KLHL3: variants seen among roughly 807,000 people sequenced by gnomAD.
KLHL3 encodes kelch like family member 3.
Under a neutral mutation model 70.5 loss-of-function variants are expected in KLHL3, and 19 were observed. The observed-to-expected ratio is 0.27, with a 90% CI of 0.19 to 0.40. KLHL3 has a LOEUF of 0.40. Among genes scored for constraint, KLHL3 ranks in the 10% least tolerant of loss-of-function variants. The pLI, the probability that KLHL3 is intolerant of heterozygous loss-of-function variation, is 1.00. For missense variants in KLHL3, 512 were observed against 771.1 expected (o/e 0.66, Z 3.98); for synonymous variants, 258 against 290.3 (o/e 0.89, Z 1.13).
At chr5:137,711,484 G>A (rs1264666956) in intron 2 of KLHL3, among the ~76,000 whole-genome samples, 12 of 152,170 alleles carry the variant, frequency 7.9e-5, no homozygotes, top group African/African-American at 2.2e-4. Context: ...GCCCCAACAG[G>A]GAGAAGTGGA....
rs201162792 is a variant in KLHL3, at chr5:137,688,167, A to AAAAAT, written c.526+4113_526+4117dup. On this transcript the variant is annotated intron_variant, in intron 5 of 14. Coordinates refer to ENST00000309755, the MANE Select transcript of KLHL3 (RefSeq NM_017415.3). ...AAACACCCAAGAATGATCAATAAAA[A>AAAAAT]AAAATAAAATAAAATAAAATAAAAT... Among the ~76,000 whole-genome samples, 193 of 144,528 alleles carry AAAAAT rather than the reference A, an allele frequency of 1.3e-3. 78 individuals are homozygous for AAAAAT. Among genetic ancestry groups the AAAAAT allele is most frequent in the African/African-American group, 2.0e-3 (75 of 37,622 alleles). The allele number at this position is 144,528 out of a possible 152,430, so 94.8% of individuals were successfully genotyped here.
chr5:137,628,596 A>G (rs967161653), intron 12 of KLHL3, 159 bp from the exon 13 acceptor site: 5 of 634,142 alleles, frequency 7.9e-6, no homozygotes, highest in Non-Finnish European at 1.3e-5. Flanking sequence ...TAAAACAAAT[A>G]TAATGACACC....
chr5:137,642,449 T>C (rs1230335793), intron 8 of KLHL3, among the ~76,000 whole-genome samples: 2 of 152,260 alleles, frequency 1.3e-5, no homozygotes, highest in Non-Finnish European at 2.9e-5. Context: ...CTGTGTGTTC[T>C]GCATTGTGCT....
Position 137,735,519 on chromosome 5 carries a change from G to T in KLHL3, c.14+114C>A, listed in dbSNP as rs890091351. ...TGGCGCCCTTTAAGATCCATCAGTG[G>T]CCAGGTCTTCCAACTCTGCCTAGCC... On this transcript the variant is annotated intron_variant, in intron 1 of 14. Coordinates refer to ENST00000309755, the MANE Select transcript of KLHL3 (RefSeq NM_017415.3). The T allele has an allele frequency of 1.1e-5, 9 of 815,134 alleles. No homozygotes were observed. In the African/African-American group the frequency reaches 1.2e-4, roughly 11 times the overall value. 50.5% of individuals were successfully genotyped at this position (815,134 alleles called of 1,614,324 possible). A position where few individuals can be genotyped will look rare whatever the true frequency, so the allele number is the denominator to read the frequency against.
intron 5 of KLHL3, among the ~76,000 whole-genome samples, chr5:137,684,862 G>A (rs1217567472): frequency 2.0e-5 from 3 of 152,184 alleles, no homozygotes; most frequent in African/African-American, 2.4e-5. Flanking sequence ...TTCTAAATGC[G>A]GGACCTACCC....
At chr5:137,703,088 T>C (rs1359924187) in intron 3 of KLHL3, among the ~76,000 whole-genome samples, 2 of 152,148 alleles carry the variant, frequency 1.3e-5, no homozygotes, top group East Asian at 1.9e-4. Flanking sequence ...AGAATGAAAA[T>C]GGAATAGATT....
intron 8 of KLHL3, among the ~76,000 whole-genome samples, chr5:137,643,323 C>A (rs1446308968): frequency 4.0e-5 from 6 of 150,570 alleles, no homozygotes; most frequent in Admixed American, 2.0e-4. Flanking sequence ...CCACTGCACT[C>A]CAGTCTGGGC....
chr5:137,713,733 GAA>G (rs1752840855), intron 2 of KLHL3, among the ~76,000 whole-genome samples: 1 of 152,112 alleles, frequency 6.6e-6, no homozygotes. Flanking sequence ...TCAGGATAAT[GAA>G]AAGACAATCC....
chr5:137,692,561 G>T, intron 4 of KLHL3, 114 bp from the exon 5 acceptor site: 1 of 989,052 alleles, frequency 1.0e-6, no homozygotes, highest in Non-Finnish European at 1.5e-6. Context: ...TCCACTGCCC[G>T]CCAGTAAGTC....
chr5:137,662,234 ACACT>A (rs1164167809), intron 6 of KLHL3, among the ~76,000 whole-genome samples: 1 of 137,106 alleles, frequency 7.3e-6, no homozygotes, highest in Non-Finnish European at 1.5e-5. Context: ...GATCACACAC[ACACT>A]CTACACACAC....
intron 12 of KLHL3, among the ~76,000 whole-genome samples, chr5:137,633,461 C>T (rs754751437): frequency 2.6e-5 from 4 of 152,050 alleles, no homozygotes; most frequent in African/African-American, 9.7e-5. Flanking sequence ...AATCCCACTA[C>T]TGGGTATCTA....
chr5:137,726,221 G>A (rs1213503047), intron 1 of KLHL3, among the ~76,000 whole-genome samples: 2 of 152,068 alleles, frequency 1.3e-5, no homozygotes, highest in Non-Finnish European at 2.9e-5. Flanking sequence ...TATGTTGAGG[G>A]TCCACATAAA....
chr5:137,690,909 C>T (rs565341752), intron 5 of KLHL3, among the ~76,000 whole-genome samples: 26 of 152,252 alleles, frequency 1.7e-4, no homozygotes, highest in African/African-American at 6.3e-4. Context: ...TGTTTTATTG[C>T]AAGGGAAGAA....
At chr5:137,630,367 T>C (rs1750603500) in intron 12 of KLHL3, among the ~76,000 whole-genome samples, 1 of 152,124 alleles carries the variant, frequency 6.6e-6, no homozygotes, top group Non-Finnish European at 1.5e-5. Context: ...GCAATAACCA[T>C]TTCAGCAGCG....
intron 14 of KLHL3, 95 bp from the exon 15 acceptor site, chr5:137,622,221 G>A: frequency 2.1e-6 from 3 of 1,426,848 alleles, no homozygotes; most frequent in East Asian, 2.3e-5. Flanking sequence ...CTGAGTCACA[G>A]CCAAGGGAAA....
intron 4 of KLHL3, among the ~76,000 whole-genome samples, chr5:137,692,850 ACACAATGGTTCTCATACTGGG>A (rs1752356725): frequency 1.3e-5 from 2 of 151,672 alleles, no homozygotes; most frequent in African/African-American, 4.9e-5. Context: ...ACACACACAC[ACACAATGGTTCTCATACTGGG>A]CTGCACACTG....
intron 5 of KLHL3, among the ~76,000 whole-genome samples, chr5:137,682,431 GA>G (rs1752053690): frequency 2.0e-5 from 3 of 151,422 alleles, no homozygotes; most frequent in African/African-American, 7.3e-5. Context: ...GAGAGAGAGA[GA>G]GAGGCATAGA....
At chr5:137,711,964 G>C (rs1179943838) in intron 2 of KLHL3, among the ~76,000 whole-genome samples, 1 of 150,964 alleles carries the variant, frequency 6.6e-6, no homozygotes, top group African/African-American at 2.4e-5. Flanking sequence ...GACCAGCCTT[G>C]CCAACATGGT....
At chr5:137,645,221 A>G (rs934582152) in intron 8 of KLHL3, among the ~76,000 whole-genome samples, 15 of 152,208 alleles carry the variant, frequency 9.9e-5, no homozygotes, top group African/African-American at 2.9e-4. Flanking sequence ...TAGAAAGGGG[A>G]AAGTTGAAAG....
Sources: allele counts gnomAD v4.1 joint callset (sites outside exome capture counted in the v4.1 genomes callset), GRCh38; gene constraint gnomAD v4.1.1; transcripts MANE v1.5; gene names NCBI Gene and HGNC (gene_info 2026-07-23, HGNC 2026-07-21).